Variants in VWF observed in about 807,000 individuals in gnomAD.
VWF encodes Factor VIII related antigen.
A neutral mutation model predicts 308.6 loss-of-function variants in VWF; 176 were observed. The ratio of observed to expected loss-of-function variants is 0.57; its 90% CI spans 0.50 to 0.65. VWF has a LOEUF of 0.65. Among genes scored for constraint, VWF ranks in the 30% least tolerant of loss-of-function variants. VWF has a pLI of 0.00. For synonymous variants in VWF, 1,385 were observed against 1,443.4 expected (o/e 0.96, Z 0.92); for missense variants, 3,146 against 3,648.2 (o/e 0.86, Z 3.55).
intron 42 of VWF, among the ~76,000 whole-genome samples, chr12:5,980,488 G>A (rs1943592997): frequency 6.6e-6 from 1 of 152,146 alleles, no homozygotes; most frequent in Admixed American, 6.5e-5. Context: ...CAGGACAAAT[G>A]ACCCAGCTTC....
chr12:6,096,539 G>A (rs1289626438), intron 5 of VWF, among the ~76,000 whole-genome samples: 1 of 152,192 alleles, frequency 6.6e-6, no homozygotes, highest in East Asian at 1.9e-4. Flanking sequence ...GGTATGGGCT[G>A]TGTCTCTTAT....
At position 6,063,094 on chromosome 12, in the gene VWF, G is replaced by A. The variant is rs1245722219; in HGVS notation, c.1433-40C>T. 8 of 1,558,330 alleles carry A rather than the reference G, an allele frequency of 5.1e-6. No individual in the cohort carries two copies. The highest frequency in any genetic ancestry group is 7.1e-6 in the Non-Finnish European group (8 of 1,133,354). ...GACAGGACTCAGGCAGAGGTGGGGA[G>A]AGGACAGGGTGGTGGCAGGCAGATG... On this transcript the variant is annotated intron_variant, in intron 12 of 51. Transcript: ENST00000261405. This position sits in a 1 kb window ranked among gnomAD's most constrained non-coding sequence, Gnocchi z 4.9.
Position 6,012,132 on chromosome 12 carries a change from T to G in VWF, c.5621-2A>C, listed in dbSNP as rs769632868. On this transcript the variant is annotated splice_acceptor_variant, in intron 32 of 51. Transcript: ENST00000261405. LOFTEE classifies it high-confidence loss of function. ...CATCCATGCAAATCCTAACAAATCC[T>G]GCAACAGACACAAATAAGACCTTAG... 8 of 1,614,028 alleles carry G rather than the reference T, an allele frequency of 5.0e-6. No homozygotes were observed. Among genetic ancestry groups the G allele is most frequent in the Non-Finnish European group, 5.9e-6 (7 of 1,179,902 alleles).
intron 5 of VWF, among the ~76,000 whole-genome samples, chr12:6,101,038 TA>T (rs1433140969): frequency 6.6e-6 from 1 of 151,980 alleles, no homozygotes; most frequent in African/African-American, 2.4e-5. Context: ...AAGAACAAGA[TA>T]ATAAGAAAAA....
At chr12:6,111,673 G>T (rs546683607) in intron 3 of VWF, among the ~76,000 whole-genome samples, 12 of 152,180 alleles carry the variant, frequency 7.9e-5, no homozygotes, top group Non-Finnish European at 1.5e-4. Context: ...GGTATCGGTC[G>T]AGTGCGGTGG....
chr12:6,000,128 A>G (rs895091349), intron 34 of VWF, among the ~76,000 whole-genome samples: 1 of 152,206 alleles, frequency 6.6e-6, no homozygotes, highest in African/African-American at 2.4e-5. Flanking sequence ...TCATGAAAAC[A>G]TTCTGGAAAT....
intron 6 of VWF, among the ~76,000 whole-genome samples, chr12:6,089,971 TG>T (rs1194447548): frequency 6.6e-6 from 1 of 152,000 alleles, no homozygotes; most frequent in Non-Finnish European, 1.5e-5. Context: ...TCTTTTTTTT[TG>T]TTTGAGATGG....
In VWF at chr12:6,064,316, G is replaced by C; in HGVS notation, c.1362C>G (p.Ser454Arg). ...CTGCCCCATGCTTCAGTTTCACAAG[G>C]CTGTTGTGCAGGCCAGGCAGCCGGA... ...VTVRLPGLHN[S>R]LVKLKHGAGV... Residue 454 changes from serine (S) to arginine (R), a missense_variant, in exon 12 of 52, where the codon AGC (serine) becomes AGG (arginine). Coordinates refer to ENST00000261405, the MANE Select transcript of VWF (RefSeq NM_000552.5). 6.2e-7 allele frequency: 1 copy of C among 1,614,180 alleles called. No individual in the cohort carries two copies.
At chr12:5,988,194 C>T (rs1943700553) in intron 38 of VWF, among the ~76,000 whole-genome samples, 1 of 152,132 alleles carries the variant, frequency 6.6e-6, no homozygotes. Flanking sequence ...CCGCAGTGCC[C>T]GGCATCACAG....
chr12:5,967,646 A>AC (rs1565812542), intron 46 of VWF, 44 bp from the exon 47 acceptor site: 2 of 1,494,928 alleles, frequency 1.3e-6, no homozygotes, highest in Non-Finnish European at 1.8e-6. Flanking sequence ...GCATCCCCCA[A>AC]CCCCCCACTC....
In VWF at chr12:6,034,710, T is replaced by A; in HGVS notation, c.2663A>T (p.Glu888Val). 6.2e-7 allele frequency: 1 copy of A among 1,613,766 alleles called. No homozygotes were observed. The highest frequency in any genetic ancestry group is 8.5e-7 in the Non-Finnish European group (1 of 1,179,942). Residue 888 changes from glutamate (E) to valine (V), a missense_variant, in exon 20 of 52, where the codon GAG (glutamate) becomes GTG (valine). Glu to Val is a moderately radical substitution (Grantham distance 121). This residue lies in a region of VWF where 1,304 missense variants were observed against 1,353.0 expected (regional missense o/e 0.96). Coordinates refer to ENST00000261405, the MANE Select transcript of VWF (RefSeq NM_000552.5). ...CACCTGCACCAGAACGTACTGGCAC[T>A]CCCCGGGGAACAGGTATTTGAGCCC... is the stretch of plus-strand genomic sequence containing the variant. The part of the protein sequence containing the change: ...FDGLKYLFPG[E>V]CQYVLVQDYC...
intron 40 of VWF, among the ~76,000 whole-genome samples, chr12:5,984,013 TAGA>T (rs1303093990): frequency 2.2e-5 from 3 of 137,326 alleles, no homozygotes; most frequent in African/African-American, 8.3e-5. Flanking sequence ...GATAGATAGA[TAGA>T]TAGACAGACA....
intron 25 of VWF, among the ~76,000 whole-genome samples, 182 bp downstream of exon 25, chr12:6,023,449 G>A (rs566811756): frequency 2.6e-5 from 4 of 152,208 alleles, no homozygotes; most frequent in Non-Finnish European, 5.9e-5. Flanking sequence ...CACCTCACCC[G>A]TAATATAAAC....
rs1046665858 is a variant in VWF at position 6,039,546 on chromosome 12, C to T, written c.2443-3055G>A. 8.5e-5 allele frequency among the ~76,000 whole-genome samples: 13 copies of T among 152,318 alleles called. 1 individual carries two copies. Among genetic ancestry groups the T allele is most frequent in the South Asian group, 4.1e-4 (2 of 4,832 alleles). On this transcript the variant is annotated intron_variant, in intron 18 of 51. Coordinates refer to ENST00000261405, the MANE Select transcript of VWF (RefSeq NM_000552.5). Reference sequence around the variant, plus strand: ...ATCTGATTAAAGCACTCCTGCTGAGCGTGATGACTCCTCCTATGAAGACTT... The same window carrying T: ...ATCTGATTAAAGCACTCCTGCTGAGTGTGATGACTCCTCCTATGAAGACTT...
chr12:6,080,150 C>T (rs777889500), intron 6 of VWF, among the ~76,000 whole-genome samples: 6 of 152,168 alleles, frequency 3.9e-5, no homozygotes, highest in Non-Finnish European at 8.8e-5. Flanking sequence ...CCTCTGGGGG[C>T]CTCTATTCTT....
rs756620872 is a variant in VWF, at chr12:6,064,366, C to T, written c.1312G>A (p.Ala438Thr). Residue 438 changes from alanine (A) to threonine (T), a missense_variant, in exon 12 of 52, where the codon GCT becomes ACT. This residue lies in a region of VWF where 1,304 missense variants were observed against 1,353.0 expected (regional missense o/e 0.96). Coordinates refer to ENST00000261405, the MANE Select transcript of VWF (RefSeq NM_000552.5). ...ETVQCADDRD[A>T]VCTRSVTVRL... ...ACGGTGACGGAGCGGGTGCACACAG[C>T]GTCGCGGTCATCAGCACACTGCCAA... The T allele has an allele frequency of 2.0e-5, 33 of 1,613,968 alleles. No homozygotes were observed. The highest frequency in any genetic ancestry group is 2.4e-5 in the Non-Finnish European group (28 of 1,180,024).
At chr12:6,010,453 G>A (rs530039172) in intron 34 of VWF, among the ~76,000 whole-genome samples, 13 of 152,334 alleles carry the variant, frequency 8.5e-5, no homozygotes, top group Admixed American at 5.9e-4. Flanking sequence ...ATCTGGGAAT[G>A]TCTAAGGGGA....
At chr12:5,960,287 G>A (rs1462346747) in intron 47 of VWF, among the ~76,000 whole-genome samples, 1 of 151,830 alleles carries the variant, frequency 6.6e-6, no homozygotes, top group African/African-American at 2.4e-5. Context: ...TAAGTTCCAT[G>A]AAAAACTGAT....
intron 18 of VWF, among the ~76,000 whole-genome samples, chr12:6,042,624 G>A (rs1261135752): frequency 2.0e-5 from 3 of 152,152 alleles, no homozygotes; most frequent in East Asian, 1.9e-4. Context: ...GCTGAAGTGC[G>A]AGTCACCTCG....
Sources: gnomAD v4.1 joint callset for allele counts (sites outside exome capture counted in the v4.1 genomes callset) on GRCh38, gnomAD v4.1.1 for gene constraint, gnomAD v4.1.1 regional missense constraint, Gnocchi (gnomAD v3.1) non-coding constraint, MANE v1.5 for transcripts, NCBI Gene and HGNC (gene_info 2026-07-23, HGNC 2026-07-21) for gene names.